The following COBLL1 variants were observed in gnomAD, a reference collection of about 807,000 sequenced individuals.
COBLL1 encodes cordon-bleu WH2 repeat protein like 1.
COBLL1 carries 50 observed loss-of-function variants against 94.8 expected under a neutral mutation model. That is an observed-to-expected ratio of 0.53 (90% CI 0.42 to 0.67). The LOEUF (loss-of-function observed/expected upper bound fraction) is 0.67, where lower values mean the gene tolerates loss of function less well. Among genes scored for constraint, COBLL1 ranks in the 30% least tolerant of loss-of-function variants. The pLI is 0.00. For missense variants in COBLL1, 1,362 were observed against 1,348.7 expected (o/e 1.01, Z -0.15); for synonymous variants, 448 against 473.8 (o/e 0.95, Z 0.71).
chr2:164,670,432 AG>A (rs1361273610), intron 1 of COBLL1, among the ~76,000 whole-genome samples: 1 of 152,204 alleles, frequency 6.6e-6, no homozygotes. Context: ...CAAATAATGA[AG>A]ATAATAGCAT....
chr2:164,763,775 A>G (rs1423315195), intron 2 of COBLL1, among the ~76,000 whole-genome samples: 2 of 152,272 alleles, frequency 1.3e-5, no homozygotes. Flanking sequence ...TAATAGAAAC[A>G]ATGTCAAGAT....
In COBLL1 at chr2:164,813,638, G is replaced by A. The variant is rs139721032; in HGVS notation, c.41+27518C>T. Among the ~76,000 whole-genome samples, 11 of 152,196 alleles carry A rather than the reference G, an allele frequency of 7.2e-5. No individual in the cohort carries two copies. The East Asian group carries it at 2.1e-3, about 29-fold the overall frequency. On this transcript the variant is annotated intron_variant, in intron 2 of 13. Transcript: ENST00000652658. ...CTTAAAATAAGAAATGAACAACAAA[G>A]TAGCAAAATAAATACAGGGCTTCCA... is the stretch of plus-strand genomic sequence containing the variant.
intron 13 of COBLL1, among the ~76,000 whole-genome samples, chr2:164,691,543 C>T (rs1004945521): frequency 6.6e-6 from 1 of 152,038 alleles, no homozygotes; most frequent in Non-Finnish European, 1.5e-5. Context: ...GTGCTGATGC[C>T]TTGTTCAAAG....
At chr2:164,826,895 C>T (rs1559053910) in intron 2 of COBLL1, among the ~76,000 whole-genome samples, 1 of 115,110 alleles carries the variant, frequency 8.7e-6, no homozygotes, top group African/African-American at 3.6e-5. Flanking sequence ...GTCTTTGTTT[C>T]GTTTTTTTTT....
At chr2:164,694,020 T>A (rs550503345) in intron 12 of COBLL1, among the ~76,000 whole-genome samples, 1 of 152,254 alleles carries the variant, frequency 6.6e-6, no homozygotes, top group East Asian at 1.9e-4. Context: ...CAAAGAAACT[T>A]TAAAACATTT....
intron 2 of COBLL1, among the ~76,000 whole-genome samples, chr2:164,802,347 G>T (rs907466027): frequency 6.6e-6 from 1 of 152,202 alleles, no homozygotes; most frequent in Admixed American, 6.5e-5. Context: ...AAAGTCCACA[G>T]ATCAAACCTG....
At chr2:164,699,650 G>A (rs1684147325) in intron 10 of COBLL1, 151 bp from the exon 11 acceptor site, 1 of 501,190 alleles carries the variant, frequency 2.0e-6, no homozygotes, top group Non-Finnish European at 3.6e-6. Context: ...CCAAACATCG[G>A]AAATTTAATA....
At chr2:164,666,133 C>A (rs531576915) in intron 1 of COBLL1, among the ~76,000 whole-genome samples, 4 of 152,040 alleles carry the variant, frequency 2.6e-5, no homozygotes, top group African/African-American at 9.6e-5. Flanking sequence ...TATTATATGT[C>A]AATTAGAAAA....
intron 2 of COBLL1, among the ~76,000 whole-genome samples, chr2:164,828,061 T>C (rs1355602686): frequency 6.6e-6 from 1 of 152,164 alleles, no homozygotes. Context: ...GTGTGGTATT[T>C]AATGGTGTCT....
chr2:164,694,203 C>A (rs1683770853), intron 12 of COBLL1, 66 bp downstream of exon 12: 1 of 1,424,092 alleles, frequency 7.0e-7, no homozygotes, highest in Admixed American at 2.1e-5. Context: ...CATCAACATG[C>A]TTGTTAACCC....
rs1440679072 is a variant in COBLL1, at chr2:164,821,470, T to C, written c.41+19686A>G. Among the ~76,000 whole-genome samples the C allele has an allele frequency of 5.3e-5, 8 of 152,282 alleles. No individual in the cohort carries two copies. The South Asian group carries it at 1.5e-3, about 28-fold the overall frequency. On this transcript the variant is annotated intron_variant, in intron 2 of 13. Transcript: ENST00000652658. ...TTTACAGATGTGGAGATGTGGAAAT[T>C]ATGTGATTACTGGAAGACAGCATAG... is the stretch of plus-strand genomic sequence containing the variant.
chr2:164,787,069 T>A (rs750565737), intron 2 of COBLL1, among the ~76,000 whole-genome samples: 1 of 152,166 alleles, frequency 6.6e-6, no homozygotes, highest in African/African-American at 2.4e-5. Context: ...TCTATCACTT[T>A]AACCATGTTA....
chr2:164,699,042 A>G (rs1684097226), intron 11 of COBLL1, among the ~76,000 whole-genome samples: 1 of 151,736 alleles, frequency 6.6e-6, no homozygotes, highest in South Asian at 2.1e-4. Flanking sequence ...TCGCAAATAG[A>G]TACACAGAAG....
At chr2:164,807,006 A>AT (rs1280730796) in intron 2 of COBLL1, among the ~76,000 whole-genome samples, 1 of 152,122 alleles carries the variant, frequency 6.6e-6, no homozygotes. Context: ...TGGCCGGCCT[A>AT]TATTTCTTCT....
chr2:164,716,431 A>T (rs1685175324), intron 7 of COBLL1, among the ~76,000 whole-genome samples: 1 of 152,156 alleles, frequency 6.6e-6, no homozygotes, highest in Non-Finnish European at 1.5e-5. Flanking sequence ...TTCTAATGGG[A>T]AAGTTTTCTT....
At chr2:164,796,122 A>C (rs1327732548) in intron 2 of COBLL1, among the ~76,000 whole-genome samples, 1 of 152,206 alleles carries the variant, frequency 6.6e-6, no homozygotes. Flanking sequence ...CACCACAAAG[A>C]AGAAACCAGA....
intron 1 of COBLL1, among the ~76,000 whole-genome samples, chr2:164,674,232 T>C (rs1691298770): frequency 6.6e-6 from 1 of 152,080 alleles, no homozygotes; most frequent in Non-Finnish European, 1.5e-5. Flanking sequence ...AGCTAATTTT[T>C]GTATTTTTAG....
intron 2 of COBLL1, among the ~76,000 whole-genome samples, chr2:164,783,765 G>C (rs2105280613): frequency 6.6e-6 from 1 of 152,132 alleles, no homozygotes; most frequent in Admixed American, 6.5e-5. Context: ...CCAGGAGTTT[G>C]AGACCAGCCT....
rs1336837144 is a variant in COBLL1 at position 164,686,104 on chromosome 2, A to G, written c.3301-72T>C. The G allele has an allele frequency of 4.4e-6, 3 of 681,332 alleles. No homozygotes were observed. The Admixed American group carries it at 8.1e-5, about 18-fold the overall frequency. The allele number at this position is 681,332 out of a possible 1,614,324, so 42.2% of individuals were successfully genotyped here. A position where few individuals can be genotyped will look rare whatever the true frequency, so the allele number is the denominator to read the frequency against. On this transcript the variant is annotated intron_variant, in intron 13 of 13. Transcript: ENST00000652658. The stretch of plus-strand genomic sequence containing the variant: ...AGCTGTCTAATTTTCAATTTTCAAC[A>G]GTTACCACATTTTAACTTCTGCTTA...
Sources: gnomAD v4.1 joint callset for allele counts (sites outside exome capture counted in the v4.1 genomes callset) on GRCh38, gnomAD v4.1.1 for gene constraint, MANE v1.5 for transcripts, NCBI Gene and HGNC (gene_info 2026-07-23, HGNC 2026-07-21) for gene names.